GPD2: variants seen among roughly 807,000 people sequenced by gnomAD.
The protein encoded by GPD2 is glycerol-3-phosphate dehydrogenase 2, also known as glycerol-3-phosphate dehydrogenase, mitochondrial.
In GPD2, 54 loss-of-function variants were observed where a neutral mutation model predicts 82.4. The ratio of observed to expected loss-of-function variants is 0.66; its 90% CI spans 0.53 to 0.82. The LOEUF (loss-of-function observed/expected upper bound fraction) is 0.82. GPD2 is among the 40% of genes least tolerant of loss of function. The pLI, the probability that GPD2 is intolerant of heterozygous loss-of-function variation, is 0.00. For synonymous variants in GPD2, 288 were observed against 306.1 expected (o/e 0.94, Z 0.62); for missense variants, 748 against 896.2 (o/e 0.83, Z 2.11).
At chr2:156,453,915 T>C (rs939439498) in intron 1 of GPD2, among the ~76,000 whole-genome samples, 17 of 151,916 alleles carry the variant, frequency 1.1e-4, no homozygotes, top group African/African-American at 3.9e-4. Context: ...ACTGCAATGA[T>C]GAAGACAGAT....
chr2:156,505,977 CA>C (rs1684773541), intron 3 of GPD2, among the ~76,000 whole-genome samples: 1 of 152,254 alleles, frequency 6.6e-6, no homozygotes, highest in South Asian at 2.1e-4. Context: ...AGAAGAACCT[CA>C]AAAGGCTTTT....
At chr2:156,567,158 A>G (rs1449315844) in intron 9 of GPD2, among the ~76,000 whole-genome samples, 4 of 151,930 alleles carry the variant, frequency 2.6e-5, no homozygotes, top group Non-Finnish European at 4.4e-5. Context: ...TCTCTATTCT[A>G]TGAGGTACCT....
chr2:156,400,735 ATG>A, the GPD2 span, among the ~76,000 whole-genome samples: 1 of 152,240 alleles, frequency 6.6e-6, no homozygotes, highest in African/African-American at 2.4e-5. Context: ...AGCAGACTGA[ATG>A]AGTATGGACA....
the GPD2 span, among the ~76,000 whole-genome samples, chr2:156,429,112 A>G: frequency 6.6e-6 from 1 of 152,224 alleles, no homozygotes; most frequent in African/African-American, 2.4e-5. Context: ...TCATGTTATA[A>G]CATTATAAAC....
At chr2:156,403,701 C>T in the GPD2 span, among the ~76,000 whole-genome samples, 2 of 151,816 alleles carry the variant, frequency 1.3e-5, no homozygotes, top group South Asian at 4.1e-4. Flanking sequence ...ACCTTCTGTT[C>T]TATAGATAAT....
intron 6 of GPD2, among the ~76,000 whole-genome samples, chr2:156,522,907 AT>A (rs577625313): frequency 0.014 from 2,065 of 147,538 alleles, 15 homozygotes; most frequent in Non-Finnish European, 0.018. Context: ...GCTATGATTG[AT>A]TTTTTTTTTT....
intron 6 of GPD2, among the ~76,000 whole-genome samples, chr2:156,541,614 A>G (rs1573980892): frequency 6.6e-6 from 1 of 152,124 alleles, no homozygotes; most frequent in Admixed American, 6.6e-5. Flanking sequence ...TTTACCCTCA[A>G]AGCCAGGCAT....
chr2:156,554,520 T>C lies in GPD2; in HGVS notation c.972-2869T>C, dbSNP rs760438567. Among the ~76,000 whole-genome samples, 98 of 152,376 alleles carry C rather than the reference T, an allele frequency of 6.4e-4. 1 individual carries two copies. The highest frequency in any genetic ancestry group is 1.2e-3 in the Non-Finnish European group (83 of 68,036). ...TTAATTTTGTTGTAACTTTAACTAA[T>C]GTTCCAGTTGTGGAATTATCTTACA... On this transcript the variant is annotated intron_variant, in intron 8 of 16. Coordinates refer to ENST00000438166, the MANE Select transcript of GPD2 (RefSeq NM_000408.5).
At chr2:156,484,215 AC>A (rs2105217743) in intron 2 of GPD2, among the ~76,000 whole-genome samples, 1 of 151,726 alleles carries the variant, frequency 6.6e-6, no homozygotes, top group African/African-American at 2.4e-5. Flanking sequence ...GCTCACTGCA[AC>A]CTCTGCCTCC....
chr2:156,565,006 G>T (rs1003538691), intron 9 of GPD2, among the ~76,000 whole-genome samples: 3 of 152,112 alleles, frequency 2.0e-5, no homozygotes, highest in Non-Finnish European at 4.4e-5. Context: ...CTGGATGAAT[G>T]AAAAACTTGA....
At chr2:156,444,451 G>T (rs766898851) in intron 1 of GPD2, among the ~76,000 whole-genome samples, 3 of 152,128 alleles carry the variant, frequency 2.0e-5, no homozygotes, top group Non-Finnish European at 4.4e-5. Context: ...AGTGGCTCAT[G>T]CCTGTAATCC....
At chr2:156,411,388 T>C in the GPD2 span, among the ~76,000 whole-genome samples, 6 of 152,234 alleles carry the variant, frequency 3.9e-5, no homozygotes, top group Admixed American at 3.3e-4. Flanking sequence ...TGATCTTGGC[T>C]CGCTGCAACC....
At chr2:156,503,351 T>TA (rs1360414593) in intron 3 of GPD2, among the ~76,000 whole-genome samples, 1 of 152,212 alleles carries the variant, frequency 6.6e-6, no homozygotes, top group East Asian at 1.9e-4. Flanking sequence ...GAGAAGCTTT[T>TA]GGTCTAAACA....
chr2:156,533,879 G>T (rs1254419430), intron 6 of GPD2, among the ~76,000 whole-genome samples: 1 of 152,194 alleles, frequency 6.6e-6, no homozygotes, highest in Non-Finnish European at 1.5e-5. Context: ...GCGCTTTTGG[G>T]CTCCAGCCCA....
intron 6 of GPD2, among the ~76,000 whole-genome samples, chr2:156,522,316 A>G (rs1685439543): frequency 6.6e-6 from 1 of 152,206 alleles, no homozygotes; most frequent in Admixed American, 6.5e-5. Flanking sequence ...GCAAGCCGAG[A>G]TAGTAGTCAT....
At chr2:156,482,874 C>T (rs140168252) in intron 2 of GPD2, among the ~76,000 whole-genome samples, 93 of 152,170 alleles carry the variant, frequency 6.1e-4, no homozygotes, top group African/African-American at 2.2e-3. Flanking sequence ...GCCTATACTA[C>T]CTTTGTTAGT....
chr2:156,501,629 G>A (rs1474308567), intron 3 of GPD2, among the ~76,000 whole-genome samples: 2 of 152,158 alleles, frequency 1.3e-5, no homozygotes, highest in Non-Finnish European at 2.9e-5. Context: ...CCACCATGAA[G>A]GTAGGAGAAA....
At chr2:156,508,615 G>A (rs1048042769) in intron 3 of GPD2, among the ~76,000 whole-genome samples, 5 of 152,148 alleles carry the variant, frequency 3.3e-5, no homozygotes, top group Non-Finnish European at 5.9e-5. Flanking sequence ...CATGGTGTGG[G>A]CATCTTGATG....
chr2:156,512,313 T>G lies in GPD2; in HGVS notation c.493T>G (p.Tyr165Asp). ...TCCATTGCCTATAATGCTTCCAGTT[T>G]ACAAGTAAGCCTTTTGATATCACCT... is the stretch of plus-strand genomic sequence containing the variant. ...SAPLPIMLPV[Y>D]KWWQLPYYWV... The change falls in exon 5 of 17, where the codon TAC (tyrosine) becomes GAC (aspartate). Residue 165 changes from tyrosine (Y) to aspartate (D), a missense_variant. Tyr to Asp is a radical substitution (Grantham distance 160). Transcript: ENST00000438166. The G allele has an allele frequency of 6.6e-7, 1 of 1,517,470 alleles. No individual in the cohort carries two copies. The allele number at this position is 1,517,470 out of a possible 1,614,324, so 94.0% of individuals were successfully genotyped here.
Sources: gnomAD v4.1 joint callset for allele counts (sites outside exome capture counted in the v4.1 genomes callset) on GRCh38, gnomAD v4.1.1 for gene constraint, MANE v1.5 for transcripts, NCBI Gene and HGNC (gene_info 2026-07-23, HGNC 2026-07-21) for gene names.